ATG7: variants seen among roughly 807,000 people sequenced by gnomAD.
The protein encoded by ATG7 is ubiquitin-like modifier-activating enzyme ATG7.
In ATG7, 70 loss-of-function variants were observed where a neutral mutation model predicts 82.4. The observed-to-expected ratio is 0.85, with a 90% CI of 0.70 to 1.04. The LOEUF (loss-of-function observed/expected upper bound fraction) is 1.04. Ranked by LOEUF, ATG7 falls within the 50% of genes least tolerant of loss-of-function variation. ATG7 has a pLI of 0.00. For synonymous variants in ATG7, 287 were observed against 313.0 expected, an observed-to-expected ratio of 0.92 and a Z score of 0.88; for missense variants, 792 against 864.3, an observed-to-expected ratio of 0.92 and a Z score of 1.05.
the ATG7 span, among the ~76,000 whole-genome samples, chr3:11,564,193 A>G: frequency 1.3e-5 from 2 of 152,168 alleles, no homozygotes; most frequent in Non-Finnish European, 2.9e-5. Context: ...TTTTAAAAAG[A>G]TTTGTTTCTA....
At chr3:11,489,234 A>C (rs1460971679) in intron 20 of ATG7, among the ~76,000 whole-genome samples, 1 of 152,162 alleles carries the variant, frequency 6.6e-6, no homozygotes, top group African/African-American at 2.4e-5. Context: ...AGGGACATTT[A>C]AGTCTGCAGA....
chr3:11,498,481 T>G (rs11128552), intron 20 of ATG7, among the ~76,000 whole-genome samples: 30,366 of 152,088 alleles, frequency 0.2, 3,481 homozygotes, highest in South Asian at 0.34. Context: ...GCCACCTGCC[T>G]CTACCTTCTC....
At chr3:11,475,500 C>G (rs1321517361) in intron 20 of ATG7, among the ~76,000 whole-genome samples, 1 of 152,026 alleles carries the variant, frequency 6.6e-6, no homozygotes, top group Non-Finnish European at 1.5e-5. Flanking sequence ...AAGAGAAGAC[C>G]CCTGTTGGGA....
At chr3:11,320,009 G>C (rs1949997905) in intron 9 of ATG7, among the ~76,000 whole-genome samples, 1 of 152,304 alleles carries the variant, frequency 6.6e-6, no homozygotes, top group Non-Finnish European at 1.5e-5. Context: ...TGCTCTAAGA[G>C]TAGGGGCTAA....
the ATG7 span, among the ~76,000 whole-genome samples, chr3:11,575,214 T>G: frequency 6.6e-6 from 1 of 152,174 alleles, no homozygotes; most frequent in Admixed American, 6.5e-5. Flanking sequence ...AGCTCAGGTC[T>G]GTGGTGCGAG....
chr3:11,290,008 T>G (rs1575184210), intron 3 of ATG7, among the ~76,000 whole-genome samples: 1 of 152,320 alleles, frequency 6.6e-6, no homozygotes, highest in South Asian at 2.1e-4. Flanking sequence ...AAACTCATAT[T>G]GTCCCCATGT....
Position 11,384,698 on chromosome 3 carries a change from AC to A in ATG7, c.1956+4648del, listed in dbSNP as rs554891775. On this transcript the variant is annotated intron_variant, in intron 19 of 20. Coordinates refer to ENST00000693202, the MANE Select transcript of ATG7 (RefSeq NM_001349232.2). The stretch of plus-strand genomic sequence containing the variant: ...TGAAAGGCTAGGCATGGTGGCTCAC[AC>A]CTGTAATCCCAGCACTTTGTGGGGG... Among the ~76,000 whole-genome samples the A allele has an allele frequency of 2.0e-5, 3 of 152,262 alleles. No homozygotes were observed. The South Asian group carries it at 6.2e-4, about 32-fold the overall frequency.
chr3:11,290,593 C>T, intron 3 of ATG7: 1 of 329,896 alleles, frequency 3.0e-6, no homozygotes, highest in South Asian at 2.2e-5. Flanking sequence ...GAACCAGCCA[C>T]CCCCAGGTAG....
At chr3:11,507,902 T>C (rs1158188368) in intron 20 of ATG7, among the ~76,000 whole-genome samples, 1 of 151,626 alleles carries the variant, frequency 6.6e-6, no homozygotes, top group Non-Finnish European at 1.5e-5. Context: ...GTGTAAGGCA[T>C]GCTGGGAAAC....
At chr3:11,537,942 A>G (rs530366510) in intron 20 of ATG7, among the ~76,000 whole-genome samples, 5 of 147,368 alleles carry the variant, frequency 3.4e-5, no homozygotes, top group African/African-American at 1.2e-4. Context: ...TTTATACCCA[A>G]TGCCACAGAG....
At chr3:11,307,789 C>T (rs1165183900) in intron 6 of ATG7, among the ~76,000 whole-genome samples, 1 of 152,186 alleles carries the variant, frequency 6.6e-6, no homozygotes, top group African/African-American at 2.4e-5. Context: ...AGTCTTTATA[C>T]CAGTCTTTAT....
At chr3:11,427,001 G>A (rs1246713655) in intron 20 of ATG7, 75 bp downstream of exon 20, 2 of 1,453,372 alleles carry the variant, frequency 1.4e-6, no homozygotes, top group African/African-American at 2.9e-5. Flanking sequence ...TATGGAAAAG[G>A]AAGAAAGCAA....
At chr3:11,334,019 G>T (rs897011919) in intron 11 of ATG7, among the ~76,000 whole-genome samples, 2 of 152,056 alleles carry the variant, frequency 1.3e-5, no homozygotes, top group African/African-American at 4.8e-5. Flanking sequence ...AAAGTGCTGG[G>T]ATTACAGGCA....
At chr3:11,516,890 C>G (rs964699235) in intron 20 of ATG7, among the ~76,000 whole-genome samples, 4 of 152,032 alleles carry the variant, frequency 2.6e-5, no homozygotes, top group African/African-American at 9.7e-5. Flanking sequence ...CAACAACACC[C>G]TGGCCAACAT....
chr3:11,284,655 G>A (rs559437054), intron 3 of ATG7, among the ~76,000 whole-genome samples: 4 of 151,570 alleles, frequency 2.6e-5, no homozygotes, highest in Admixed American at 6.6e-5. Context: ...GGGCTCAGGC[G>A]ATCCTCCTGT....
intron 20 of ATG7, among the ~76,000 whole-genome samples, chr3:11,509,527 A>G (rs2442794): frequency 0.73 from 111,235 of 151,936 alleles, 41,636 homozygotes; most frequent in East Asian, 0.97. Flanking sequence ...AATTGTTTGT[A>G]TTTTATGAGC....
intron 14 of ATG7, among the ~76,000 whole-genome samples, chr3:11,351,514 A>G (rs2075543564): frequency 6.6e-6 from 1 of 152,192 alleles, no homozygotes; most frequent in Admixed American, 6.5e-5. Flanking sequence ...ATGAGGAGGA[A>G]GAGAAGGCTG....
At chr3:11,371,081 A>G (rs1375623208) in intron 18 of ATG7, among the ~76,000 whole-genome samples, 2 of 151,146 alleles carry the variant, frequency 1.3e-5, no homozygotes, top group Non-Finnish European at 2.9e-5. Context: ...GATGCAATGT[A>G]TGAAAACACC....
chr3:11,508,147 A>G (rs892504948), intron 20 of ATG7, among the ~76,000 whole-genome samples: 2 of 152,058 alleles, frequency 1.3e-5, no homozygotes, highest in Non-Finnish European at 2.9e-5. Context: ...CTTCAGGTCT[A>G]CAGCAGATGT....
Sources: gnomAD v4.1 joint callset for allele counts (sites outside exome capture counted in the v4.1 genomes callset) on GRCh38, gnomAD v4.1.1 for gene constraint, MANE v1.5 for transcripts, NCBI Gene and HGNC (gene_info 2026-07-23, HGNC 2026-07-21) for gene names.